COL10A1: variants seen among roughly 807,000 people sequenced by gnomAD.
COL10A1 encodes the protein collagen type X alpha 1 chain.
A neutral mutation model predicts 18.2 loss-of-function variants in COL10A1; 10 were observed. That is an observed-to-expected ratio of 0.55 (90% CI 0.34 to 0.93). The LOEUF (loss-of-function observed/expected upper bound fraction) is 0.93. COL10A1 is among the 40% of genes least tolerant of loss of function. The probability of loss-of-function intolerance (pLI) is 0.02; values close to 1 mark genes in which losing one functional copy is unlikely to be tolerated. For synonymous variants in COL10A1, 330 were observed against 316.6 expected (o/e 1.04, Z -0.45); for missense variants, 897 against 853.5 (o/e 1.05, Z -0.64).
chr6:116,138,489 T>C (rs532288399), intron 1 of COL10A1, among the ~76,000 whole-genome samples: 4 of 152,292 alleles, frequency 2.6e-5, no homozygotes, highest in Admixed American at 6.5e-5. Context: ...GAAAGAGCTA[T>C]GTTGTTTCAG....
chr6:116,206,351 C>G, the COL10A1 span, among the ~76,000 whole-genome samples: 2 of 151,924 alleles, frequency 1.3e-5, no homozygotes, highest in Non-Finnish European at 2.9e-5. Flanking sequence ...ACACAATTAC[C>G]TAATGGGGTG....
At chr6:116,179,149 T>C in the COL10A1 span, among the ~76,000 whole-genome samples, 1 of 152,178 alleles carries the variant, frequency 6.6e-6, no homozygotes, top group African/African-American at 2.4e-5. Context: ...GGGATACCAA[T>C]TTATTTGTTT....
At chr6:116,196,376 T>C in the COL10A1 span, among the ~76,000 whole-genome samples, 5 of 152,022 alleles carry the variant, frequency 3.3e-5, no homozygotes, top group African/African-American at 1.2e-4. Context: ...GGGAAAGAGT[T>C]CAGTTAATCA....
chr6:116,163,141 A>AAAAAT (rs761718922), upstream of COL10A1, among the ~76,000 whole-genome samples: 2,289 of 88,024 alleles, frequency 0.026, 106 homozygotes, highest in African/African-American at 0.061. Flanking sequence ...AAAAAAAAAA[A>AAAAAT]ATATATATAT....
chr6:116,134,146 T>C (rs1779533722), intron 1 of COL10A1, among the ~76,000 whole-genome samples: 1 of 152,190 alleles, frequency 6.6e-6, no homozygotes, highest in African/African-American at 2.4e-5. Context: ...ACAATTGTGA[T>C]TGGTGATGAT....
Position 116,119,112 on chromosome 6 carries a change from T to C in COL10A1, c.*961A>G, listed in dbSNP as rs1779028712. 6.6e-6 allele frequency: 1 copy of C among 152,664 alleles called. No homozygotes were observed. Among genetic ancestry groups the C allele is most frequent in the Non-Finnish European group, 1.5e-5 (1 of 68,050 alleles). 9.5% of individuals were successfully genotyped at this position (152,664 alleles called of 1,614,324 possible). A position where few individuals can be genotyped will look rare whatever the true frequency, so the allele number is the denominator to read the frequency against. On this transcript the variant is annotated 3_prime_UTR_variant, in exon 3 of 3. Coordinates refer to ENST00000651968, the MANE Select transcript of COL10A1 (RefSeq NM_000493.4). ...TAAGTGAGGCACAGCTTAAAAGTTT[T>C]AAACAGCAATATAAAAATACAGTAC...
intron 1 of COL10A1, chr6:116,137,497 G>A (rs1449404854): frequency 5.0e-6 from 1 of 198,694 alleles, no homozygotes; most frequent in East Asian, 1.2e-4. Context: ...CTCTCAGCTG[G>A]CAGCTAGAGA....
At chr6:116,180,693 A>G in the COL10A1 span, among the ~76,000 whole-genome samples, 1 of 152,128 alleles carries the variant, frequency 6.6e-6, no homozygotes. Flanking sequence ...CTAGAGTACC[A>G]AGTTAGTTGA....
the COL10A1 span, among the ~76,000 whole-genome samples, chr6:116,167,945 A>G: frequency 6.6e-6 from 1 of 152,128 alleles, no homozygotes; most frequent in African/African-American, 2.4e-5. Context: ...TTTCTGCACT[A>G]TAGTCTAGTT....
chr6:116,122,044 A>G, intron 2 of COL10A1, 83 bp from the exon 3 acceptor site: 1 of 1,145,876 alleles, frequency 8.7e-7, no homozygotes, highest in South Asian at 1.2e-5. Flanking sequence ...CAAACTATGA[A>G]TTGGGACACG....
At chr6:116,213,017 AT>A in the COL10A1 span, among the ~76,000 whole-genome samples, 2 of 152,124 alleles carry the variant, frequency 1.3e-5, no homozygotes, top group African/African-American at 4.8e-5. Context: ...TTCTAAAAGG[AT>A]TTGTGAATAT....
chr6:116,119,757 AT>A lies in COL10A1; in HGVS notation c.*315del, dbSNP rs530914126. The A allele has an allele frequency of 2.1e-3, 450 of 219,326 alleles. No homozygotes were observed. The highest frequency in any genetic ancestry group is 3.8e-3 in the South Asian group (30 of 7,794). The allele number at this position is 219,326 out of a possible 1,614,324, so 13.6% of individuals were successfully genotyped here. On this transcript the variant is annotated 3_prime_UTR_variant, in exon 3 of 3. Coordinates refer to ENST00000651968, the MANE Select transcript of COL10A1 (RefSeq NM_000493.4). ...AGCTCTATTTCTGTTTTTTTTTTTA[AT>A]TTTTTTTTTGTTGTTTGTTTTTTGT... is the stretch of plus-strand genomic sequence containing the variant.
chr6:116,166,217 G>A, the COL10A1 span, among the ~76,000 whole-genome samples: 1 of 152,070 alleles, frequency 6.6e-6, no homozygotes. Context: ...TCAACCAGTG[G>A]GGTCTCCAAC....
At chr6:116,139,295 TTC>T (rs1562134434) in intron 1 of COL10A1, among the ~76,000 whole-genome samples, 1 of 152,128 alleles carries the variant, frequency 6.6e-6, no homozygotes, top group Non-Finnish European at 1.5e-5. Context: ...AAAGAATAAA[TTC>T]TGTGTTATTT....
chr6:116,121,939 T>G lies in COL10A1; in HGVS notation c.177A>C (p.Gln59His). The G allele has an allele frequency of 6.2e-7, 1 of 1,613,202 alleles. No homozygotes were observed. Among genetic ancestry groups the G allele is most frequent in the East Asian group, 2.2e-5 (1 of 44,876 alleles). ...CAGGGCCTGGTGGACCAGGAGTACC[T>G]TGCTCTCCTCTTACTGCTATACCTA... is the stretch of plus-strand genomic sequence containing the variant. ...KSKGIAVRGEQGTPGPPGPAG... is the reference protein window; with the variant it reads ...KSKGIAVRGEHGTPGPPGPAG... Residue 59 changes from glutamine to histidine, a missense_variant, in exon 3 of 3, where the codon CAA becomes CAC. Physicochemically the swap from Gln to His is conservative, Grantham distance 24 (BLOSUM62 0). Transcript: ENST00000651968.
chr6:116,135,146 T>C (rs1360265075), intron 1 of COL10A1, among the ~76,000 whole-genome samples: 2 of 152,220 alleles, frequency 1.3e-5, no homozygotes, highest in African/African-American at 4.8e-5. Flanking sequence ...ACTACTGATA[T>C]CATTTATTAG....
the COL10A1 span, among the ~76,000 whole-genome samples, chr6:116,179,640 T>C: frequency 1.3e-5 from 2 of 152,106 alleles, no homozygotes; most frequent in African/African-American, 4.8e-5. Flanking sequence ...CCCAGTGTTA[T>C]CAAAAAGAAT....
At chr6:116,144,102 G>T (rs996174743) in intron 1 of COL10A1, among the ~76,000 whole-genome samples, 3 of 152,120 alleles carry the variant, frequency 2.0e-5, no homozygotes, top group African/African-American at 7.2e-5. Context: ...TATTGGTGGT[G>T]TCGGGTATTC....
upstream of COL10A1, among the ~76,000 whole-genome samples, chr6:116,130,206 G>T (rs1409884335): frequency 6.6e-6 from 1 of 152,136 alleles, no homozygotes; most frequent in Non-Finnish European, 1.5e-5. Context: ...TATAGAAAAA[G>T]CAGGAGAAAT....
Sources: allele counts gnomAD v4.1 joint callset (sites outside exome capture counted in the v4.1 genomes callset), GRCh38; gene constraint gnomAD v4.1.1; transcripts MANE v1.5; gene names NCBI Gene and HGNC (gene_info 2026-07-23, HGNC 2026-07-21).